The following GPALPP1 variants were observed in gnomAD, a reference collection of about 807,000 sequenced individuals.
GPALPP1 encodes GPALPP motifs containing 1, also known as GPALPP motifs-containing protein 1.
In GPALPP1, 30 loss-of-function variants were observed where a neutral mutation model predicts 38.9. The ratio of observed to expected loss-of-function variants is 0.77; its 90% CI spans 0.58 to 1.05. GPALPP1 has a LOEUF of 1.05. Among genes scored for constraint, GPALPP1 ranks in the 50% least tolerant of loss-of-function variants. The pLI is 0.00. For synonymous variants in GPALPP1, 120 were observed against 139.2 expected (o/e 0.86, Z 0.97); for missense variants, 384 against 408.8 (o/e 0.94, Z 0.52).
chr13:44,992,913 A>G (rs1593379315), intron 1 of GPALPP1, among the ~76,000 whole-genome samples: 1 of 152,258 alleles, frequency 6.6e-6, no homozygotes, highest in East Asian at 1.9e-4. Context: ...CATCTTGCAA[A>G]ACTGAAACCT....
chr13:44,994,537 C>T lies in GPALPP1; in HGVS notation c.88+4795C>T, dbSNP rs117972237. 1.5e-4 allele frequency among the ~76,000 whole-genome samples: 23 copies of T among 152,266 alleles called. No homozygotes were observed. The East Asian group carries it at 4.4e-3, about 29-fold the overall frequency. ...CTCTGTTCCTGCTGCCTACCATGTC[C>T]CATCCTACCTTGAAGTCTTCATACA... On this transcript the variant is annotated intron_variant, in intron 1 of 7. Transcript: ENST00000379151.
rs760333715 is a variant in GPALPP1 at position 45,008,624 on chromosome 13, A to G, written c.324-171A>G. On this transcript the variant is annotated intron_variant, in intron 3 of 7. Transcript: ENST00000379151. Reference sequence around the variant, plus strand: ...GTCAAATGTGAAAATTAGGTTTTTAAAAGACGTCTAGCAGAAAGATACTAG... The same window carrying G: ...GTCAAATGTGAAAATTAGGTTTTTAGAAGACGTCTAGCAGAAAGATACTAG... Among the ~76,000 whole-genome samples, 15 of 152,352 alleles carry G rather than the reference A, an allele frequency of 9.8e-5. No homozygotes were observed. The South Asian group carries it at 1.4e-3, about 15-fold the overall frequency.
intron 1 of GPALPP1, among the ~76,000 whole-genome samples, chr13:44,996,113 G>T (rs937050049): frequency 1.1e-4 from 17 of 152,198 alleles, no homozygotes; most frequent in African/African-American, 4.1e-4. Context: ...CCAGCACTTT[G>T]GGAGGCTAAG....
At chr13:45,018,960 AAT>A (rs1277002577) in intron 6 of GPALPP1, among the ~76,000 whole-genome samples, 1 of 62,072 alleles carries the variant, frequency 1.6e-5, no homozygotes, top group East Asian at 6.1e-4. Context: ...TATACATATA[AAT>A]ATATATACAT....
chr13:45,014,865 G>A (rs913878621), intron 4 of GPALPP1, 87 bp from the exon 5 acceptor site: 1 of 1,035,588 alleles, frequency 9.7e-7, no homozygotes. Context: ...TGGATAATAA[G>A]TTTCAGTTAA....
rs764252971 is a variant in GPALPP1 at position 45,006,229 on chromosome 13, C to CGAT, written c.263_265dup (p.Asp88dup). 1.0e-5 allele frequency: 16 copies of CGAT among 1,607,144 alleles called. No homozygotes were observed. Among genetic ancestry groups the CGAT allele is most frequent in the Middle Eastern group, 1.7e-4 (1 of 6,048 alleles). On this transcript the variant is annotated inframe_insertion, in exon 3 of 8. Coordinates refer to ENST00000379151, the MANE Select transcript of GPALPP1 (RefSeq NM_018559.5). ...AACAGAGGAAAAATCAGGATGATGA[C>CGAT]GATGATGATGATGATGGGTTTTTTG... is the stretch of plus-strand genomic sequence containing the variant.
intron 7 of GPALPP1, among the ~76,000 whole-genome samples, chr13:45,027,395 C>T (rs1875909029): frequency 1.3e-5 from 2 of 152,298 alleles, no homozygotes; most frequent in Admixed American, 1.3e-4. Flanking sequence ...ACATATGCTG[C>T]ACAGGCCTTG....
intron 6 of GPALPP1, among the ~76,000 whole-genome samples, chr13:45,018,396 A>T (rs1487694992): frequency 8.4e-6 from 1 of 118,912 alleles, no homozygotes; most frequent in Admixed American, 8.1e-5. Flanking sequence ...GACTCTGTCT[A>T]AAAAAAAAAA....
At position 45,024,147 on chromosome 13, in the gene GPALPP1, CTGTGTGTGTGTGTGTGTGTGTG is replaced by C. The variant is rs58048658; in HGVS notation, c.805-3598_805-3577del. 9.5e-3 allele frequency among the ~76,000 whole-genome samples: 223 copies of C among 23,394 alleles called. 6 individuals are homozygous for C. Among genetic ancestry groups the C allele is most frequent in the Middle Eastern group, 0.028 (1 of 36 alleles). 15.3% of individuals were successfully genotyped at this position (23,394 alleles called of 152,430 possible). A position where few individuals can be genotyped will look rare whatever the true frequency, so the allele number is the denominator to read the frequency against. Reference sequence around the variant, plus strand: ...TTTTTGCTTGGTATCCCCTAAAACTCTGTGTGTGTGTGTGTGTGTGTGTGTGTGTGTGTGTGTGTGTGTGTGT... The same window carrying C: ...TTTTTGCTTGGTATCCCCTAAAACTCTGTGTGTGTGTGTGTGTGTGTGTGT... On this transcript the variant is annotated intron_variant, in intron 7 of 7. Transcript: ENST00000379151.
At chr13:45,032,903 G>A (rs867274663), downstream of GPALPP1, among the ~76,000 whole-genome samples, 4 of 151,528 alleles carry the variant, frequency 2.6e-5, no homozygotes, top group Admixed American at 6.6e-5. Context: ...TGGGCATGGC[G>A]GTGTGCGCCT....
chr13:44,997,091 C>CTT (rs74521338), intron 1 of GPALPP1, among the ~76,000 whole-genome samples: 20 of 141,826 alleles, frequency 1.4e-4, no homozygotes, highest in African/African-American at 4.9e-4. Context: ...CAGTATTTGT[C>CTT]TTTTTTTTTT....
intron 4 of GPALPP1, among the ~76,000 whole-genome samples, chr13:45,014,639 A>G (rs575583473): frequency 6.6e-6 from 1 of 152,254 alleles, no homozygotes; most frequent in Non-Finnish European, 1.5e-5. Flanking sequence ...TTGTCTAATT[A>G]TTGTACTATG....
At chr13:45,018,569 TATA>T (rs1875047861) in intron 6 of GPALPP1, among the ~76,000 whole-genome samples, 1 of 152,180 alleles carries the variant, frequency 6.6e-6, no homozygotes, top group African/African-American at 2.4e-5. Flanking sequence ...TTTCTTTTTT[TATA>T]AGTAAAACAT....
intron 1 of GPALPP1, among the ~76,000 whole-genome samples, chr13:44,993,880 T>C (rs537914934): frequency 6.6e-6 from 1 of 152,024 alleles, no homozygotes; most frequent in South Asian, 2.1e-4. Context: ...TTGATTTGCA[T>C]TTCCTTAACG....
chr13:44,998,616 G>A (rs369005302), intron 1 of GPALPP1, among the ~76,000 whole-genome samples: 7 of 152,110 alleles, frequency 4.6e-5, no homozygotes, highest in African/African-American at 7.2e-5. Flanking sequence ...ACTACTCTTC[G>A]TCCAGTCCCC....
At chr13:45,020,990 G>C (rs186265490) in intron 7 of GPALPP1, among the ~76,000 whole-genome samples, 1 of 152,218 alleles carries the variant, frequency 6.6e-6, no homozygotes, top group Admixed American at 6.5e-5. Flanking sequence ...AACAGATTTG[G>C]AATGTTGGAT....
intron 4 of GPALPP1, among the ~76,000 whole-genome samples, chr13:45,013,190 A>T (rs2137986348): frequency 6.6e-6 from 1 of 152,328 alleles, no homozygotes; most frequent in Middle Eastern, 3.4e-3. Context: ...CAAAGGCTCC[A>T]GTTTTTCCAC....
chr13:45,027,245 G>T (rs1429754143), intron 7 of GPALPP1, among the ~76,000 whole-genome samples: 1 of 151,900 alleles, frequency 6.6e-6, no homozygotes, highest in Non-Finnish European at 1.5e-5. Context: ...TTTTTGCTCA[G>T]ACTTTGTCTT....
At chr13:45,017,016 A>T (rs537683003) in intron 6 of GPALPP1, among the ~76,000 whole-genome samples, 1 of 152,202 alleles carries the variant, frequency 6.6e-6, no homozygotes, top group Non-Finnish European at 1.5e-5. Flanking sequence ...TTATAAATTC[A>T]TCAGTTCTGA....
Sources: gnomAD v4.1 joint callset for allele counts (sites outside exome capture counted in the v4.1 genomes callset) on GRCh38, gnomAD v4.1.1 for gene constraint, MANE v1.5 for transcripts, NCBI Gene and HGNC (gene_info 2026-07-23, HGNC 2026-07-21) for gene names.